Variants in CRABP1 observed in about 807,000 individuals in gnomAD.
CRABP1 encodes cellular retinoic acid-binding protein 1.
In CRABP1, 9 loss-of-function variants were observed where a neutral mutation model predicts 16.4. The observed-to-expected ratio is 0.55, with a 90% confidence interval of 0.33 to 0.96. The LOEUF is 0.96. CRABP1 is among the 40% of genes least tolerant of loss of function. The probability of loss-of-function intolerance (pLI) is 0.03; values close to 1 mark genes in which losing one functional copy is unlikely to be tolerated. For synonymous variants in CRABP1, 72 were observed against 70.4 expected, an observed-to-expected ratio of 1.02 and a Z score of -0.11; for missense variants, 157 against 186.0, an observed-to-expected ratio of 0.84 and a Z score of 0.91.
intron 3 of CRABP1, among the ~76,000 whole-genome samples, chr15:78,345,137 G>T (rs1353949819): frequency 6.6e-6 from 1 of 152,088 alleles, no homozygotes; most frequent in Non-Finnish European, 1.5e-5. Flanking sequence ...GAAAGGACTT[G>T]CAGTGTGACC....
At chr15:78,340,934 G>A (rs1253867497) in intron 1 of CRABP1, 109 bp from the exon 2 acceptor site, 3 of 1,127,348 alleles carry the variant, frequency 2.7e-6, no homozygotes, top group South Asian at 3.2e-5. Context: ...GGAAACGAGT[G>A]GATCAATTTT....
intron 3 of CRABP1, 75 bp downstream of exon 3, chr15:78,343,687 C>A: frequency 9.5e-7 from 1 of 1,052,240 alleles, no homozygotes; most frequent in Non-Finnish European, 1.4e-6. Flanking sequence ...ACAAATATGT[C>A]CTCCTCACTC....
intron 3 of CRABP1, among the ~76,000 whole-genome samples, chr15:78,345,714 C>T (rs2141528342): frequency 6.6e-6 from 1 of 152,268 alleles, no homozygotes; most frequent in Non-Finnish European, 1.5e-5. Flanking sequence ...GCACAGCAAA[C>T]ATATATACAA....
intron 3 of CRABP1, among the ~76,000 whole-genome samples, chr15:78,347,316 T>C (rs753933736): frequency 6.6e-6 from 1 of 152,198 alleles, no homozygotes; most frequent in African/African-American, 2.4e-5. Flanking sequence ...GAGGAAAACA[T>C]TTGCCCCCAA....
chr15:78,343,407 C>A, intron 2 of CRABP1, 92 bp from the exon 3 acceptor site: 2 of 990,138 alleles, frequency 2.0e-6, no homozygotes, highest in Non-Finnish European at 3.1e-6. Context: ...TGTTGATTCT[C>A]TGCAGAGCAA....
At position 78,340,932 on chromosome 15, in the gene CRABP1, G is replaced by C. The variant is rs901431145; in HGVS notation, c.71-111G>C. The C allele has an allele frequency of 3.3e-5, 37 of 1,120,906 alleles. No homozygotes were observed. The African/African-American group carries it at 5.3e-4, about 16-fold the overall frequency. The allele number at this position is 1,120,906 out of a possible 1,614,324, so 69.4% of individuals were successfully genotyped here. On this transcript the variant is annotated intron_variant, in intron 1 of 3. Transcript: ENST00000299529. ...AACAAGGGCGAGGGCAGGGAAACGAGTGGATCAATTTTAAGGCCCCTTTCT... is the reference window on the plus strand; with the variant it reads ...AACAAGGGCGAGGGCAGGGAAACGACTGGATCAATTTTAAGGCCCCTTTCT...
chr15:78,344,939 A>C (rs554749051), intron 3 of CRABP1, among the ~76,000 whole-genome samples: 21 of 151,888 alleles, frequency 1.4e-4, no homozygotes, highest in Admixed American at 4.6e-4. Flanking sequence ...AAAAAAAAAA[A>C]CAAAAAAACT....
At chr15:78,340,608 G>A in intron 1 of CRABP1, 110 bp downstream of exon 1, 2 of 1,264,430 alleles carry the variant, frequency 1.6e-6, no homozygotes, top group Non-Finnish European at 2.2e-6. Context: ...GCCCAGGCAG[G>A]AGGGAGTCCC....
chr15:78,340,539 G>GCCCGGAGGTGCCCTGGT, intron 1 of CRABP1, 41 bp downstream of exon 1: 1 of 1,585,714 alleles, frequency 6.3e-7, no homozygotes, highest in Non-Finnish European at 8.6e-7. Context: ...GGGAGATGCG[G>GCCCGGAGGTGCCCTGGT]CCCGGAGGTG....
intron 3 of CRABP1, among the ~76,000 whole-genome samples, chr15:78,344,520 C>T (rs184695566): frequency 6.6e-6 from 1 of 152,154 alleles, no homozygotes; most frequent in East Asian, 1.9e-4. Context: ...ACAAAACTTA[C>T]CTAGTGAGGC....
chr15:78,346,843 G>A (rs566554249), intron 3 of CRABP1, among the ~76,000 whole-genome samples: 10 of 152,270 alleles, frequency 6.6e-5, no homozygotes, highest in Admixed American at 5.2e-4. Context: ...TAAATGCCTC[G>A]TTTAGTGGTT....
intron 3 of CRABP1, among the ~76,000 whole-genome samples, chr15:78,345,718 T>C (rs535052288): frequency 5.9e-5 from 9 of 152,276 alleles, no homozygotes; most frequent in African/African-American, 2.2e-4. Context: ...AGCAAACATA[T>C]ATACAAGACT....
At chr15:78,342,143 C>A (rs1483432783) in intron 2 of CRABP1, among the ~76,000 whole-genome samples, 1 of 152,020 alleles carries the variant, frequency 6.6e-6, no homozygotes. Context: ...ACAAAGCCCC[C>A]CAGAAGCAGG....
Position 78,340,358 on chromosome 15 carries a change from C to T in CRABP1, c.-71C>T. The T allele has an allele frequency of 6.5e-7, 1 of 1,529,680 alleles. No individual in the cohort carries two copies. The allele number at this position is 1,529,680 out of a possible 1,614,324, so 94.8% of individuals were successfully genotyped here. ...AGCGCTGGGCGCAAAGCGCCAGTCTCCGCCTTGCGAGCTCAGAGTGTGCCC... is the reference window on the plus strand; with the variant it reads ...AGCGCTGGGCGCAAAGCGCCAGTCTTCGCCTTGCGAGCTCAGAGTGTGCCC... On this transcript the variant is annotated 5_prime_UTR_variant, in exon 1 of 4. Transcript: ENST00000299529.
chr15:78,343,689 T>A, intron 3 of CRABP1, 77 bp downstream of exon 3: 1 of 1,036,354 alleles, frequency 9.6e-7, no homozygotes, highest in Admixed American at 2.2e-5. Flanking sequence ...AAATATGTCC[T>A]CCTCACTCGG....
rs546059661 is a variant in CRABP1 at position 78,341,448 on chromosome 15, G to A, written c.249+227G>A. On this transcript the variant is annotated intron_variant, in intron 2 of 3. Coordinates refer to ENST00000299529, the MANE Select transcript of CRABP1 (RefSeq NM_004378.3). The surrounding 1 kb of genome is among the most constrained non-coding windows in gnomAD (Gnocchi z 5.3). ...ACCCCATCCCTACGCTGCCTCCCGG[G>A]GTGCTAACAGCCGCGCTTAAAGAGC... is the stretch of plus-strand genomic sequence containing the variant. 2.7e-5 allele frequency: 15 copies of A among 545,924 alleles called. No individual in the cohort carries two copies. The highest frequency in any genetic ancestry group is 2.5e-4 in the African/African-American group (13 of 52,692). 33.8% of individuals were successfully genotyped at this position (545,924 alleles called of 1,614,324 possible).
intron 3 of CRABP1, among the ~76,000 whole-genome samples, chr15:78,345,356 C>T (rs2050259461): frequency 6.6e-6 from 1 of 152,162 alleles, no homozygotes; most frequent in Admixed American, 6.5e-5. Context: ...CATGCTTTCT[C>T]CTTTCACAGA....
chr15:78,345,091 G>A (rs1567139460), intron 3 of CRABP1, among the ~76,000 whole-genome samples: 1 of 152,140 alleles, frequency 6.6e-6, no homozygotes, highest in Admixed American at 6.5e-5. Flanking sequence ...ACCTTGAAAT[G>A]TTGTGAATAG....
chr15:78,345,257 T>C (rs2050259125), intron 3 of CRABP1, among the ~76,000 whole-genome samples: 1 of 152,214 alleles, frequency 6.6e-6, no homozygotes, highest in Non-Finnish European at 1.5e-5. Context: ...ATGTTTATTC[T>C]GCAAGAAGAC....
Sources: gnomAD v4.1 joint callset for allele counts (sites outside exome capture counted in the v4.1 genomes callset) on GRCh38, gnomAD v4.1.1 for gene constraint, Gnocchi (gnomAD v3.1) non-coding constraint, MANE v1.5 for transcripts, NCBI Gene and HGNC (gene_info 2026-07-23, HGNC 2026-07-21) for gene names.